ARSL: variants seen among roughly 807,000 people sequenced by gnomAD.
The protein encoded by ARSL is arylsulfatase E (chondrodysplasia punctata 1).
Under a neutral mutation model 31.1 loss-of-function variants are expected in ARSL, and 4 were observed. That is an observed-to-expected ratio of 0.13 (90% CI 0.06 to 0.29). ARSL has a LOEUF of 0.29. Ranked by LOEUF, ARSL falls within the 10% of genes least tolerant of loss-of-function variation. The probability of loss-of-function intolerance (pLI) is 1.00; values close to 1 mark genes in which losing one functional copy is unlikely to be tolerated. For missense variants in ARSL, 312 were observed against 497.8 expected (o/e 0.63, Z 3.55); for synonymous variants, 198 against 209.9 (o/e 0.94, Z 0.49).
chrX:2,941,093 C>A (rs2089273988), intron 8 of ARSL, among the ~76,000 whole-genome samples: 1 of 110,766 alleles, frequency 9.0e-6, no homozygotes, highest in Non-Finnish European at 1.9e-5. Context: ...CAGGCCGTGA[C>A]AGGAAGCGGG....
upstream of ARSL, among the ~76,000 whole-genome samples, chrX:2,966,903 T>C (rs763334652): frequency 9.0e-6 from 1 of 110,584 alleles, no homozygotes; most frequent in East Asian, 2.8e-4. Flanking sequence ...CTTATATGTA[T>C]ATAATGTATA....
chrX:2,950,389 A>G, intron 5 of ARSL, among the ~76,000 whole-genome samples: 1 of 112,020 alleles, frequency 8.9e-6, no homozygotes, highest in East Asian at 2.8e-4. Flanking sequence ...CAGGGTGTTC[A>G]AAGGATAATT....
intron 1 of ARSL, among the ~76,000 whole-genome samples, 186 bp downstream of exon 1, chrX:2,964,038 C>A (rs1376690297): frequency 9.0e-6 from 1 of 111,421 alleles, no homozygotes; most frequent in Admixed American, 9.6e-5. Context: ...GAAAACAGAT[C>A]CCCCTTCTCC....
chrX:2,957,804 G>C (rs2089547198), intron 3 of ARSL, among the ~76,000 whole-genome samples: 1 of 109,730 alleles, frequency 9.1e-6, no homozygotes, highest in Non-Finnish European at 1.9e-5. Context: ...TGGATCACTT[G>C]AGCCCAGAAG....
intron 10 of ARSL, 93 bp downstream of exon 10, chrX:2,936,649 C>T (rs2089205781): frequency 1.9e-5 from 21 of 1,109,237 alleles, no homozygotes; most frequent in Non-Finnish European, 2.6e-5. Flanking sequence ...CTCTGGAATG[C>T]AGCTCCATCC....
At chrX:2,945,938 T>C in intron 7 of ARSL, 60 bp downstream of exon 7, 1 of 1,191,699 alleles carries the variant, frequency 8.4e-7, no homozygotes, top group Non-Finnish European at 1.1e-6. Context: ...ATTCTTTGTT[T>C]CCTTTCCTGC....
intron 2 of ARSL, among the ~76,000 whole-genome samples, chrX:2,958,734 C>G (rs1453908560): frequency 1.8e-5 from 2 of 111,539 alleles, no homozygotes; most frequent in Non-Finnish European, 3.8e-5. Context: ...CTCCTGTAAT[C>G]TCAGTATTTT....
chrX:2,949,551 C>T lies in ARSL; in HGVS notation c.607G>A (p.Val203Ile). ...AGTGTGAGGGCAACCAAGGCCAGGACTTGGAAGAGGAAGTTGAGTTTTTGT... is the reference window on the plus strand; with the variant it reads ...AGTGTGAGGGCAACCAAGGCCAGGATTTGGAAGAGGAAGTTGAGTTTTTGT... ...LEQKLNFLFQ[V>I]LALVALTLVA... Residue 203 changes from valine (V) to isoleucine (I), a missense_variant, in exon 6 of 11, where the codon GTC becomes ATC. Physicochemically the swap from Val to Ile is conservative, Grantham distance 29. Coordinates refer to ENST00000381134, the MANE Select transcript of ARSL (RefSeq NM_000047.3). 8.3e-7 allele frequency: 1 copy of T among 1,211,094 alleles called. No homozygotes were observed. The highest frequency in any genetic ancestry group is 1.1e-6 in the Non-Finnish European group (1 of 895,450).
upstream of ARSL, chrX:2,968,063 A>T: frequency 9.5e-7 from 1 of 1,049,092 alleles, no homozygotes; most frequent in Admixed American, 2.7e-5. Context: ...GAAAAGACGC[A>T]GTTTAGCATA....
intron 5 of ARSL, among the ~76,000 whole-genome samples, chrX:2,951,962 C>T (rs2089470020): frequency 9.5e-6 from 1 of 105,681 alleles, no homozygotes; most frequent in African/African-American, 3.6e-5. Context: ...ATTTTATACT[C>T]ATTGTATCCA....
chrX:2,937,282 T>A (rs1344923451), intron 9 of ARSL, among the ~76,000 whole-genome samples: 1 of 109,291 alleles, frequency 9.1e-6, no homozygotes, highest in Non-Finnish European at 1.9e-5. Flanking sequence ...TAATCCCAGC[T>A]ACTCGGGAGG....
chrX:2,938,779 G>A (rs1389247700), intron 8 of ARSL, among the ~76,000 whole-genome samples: 1 of 112,156 alleles, frequency 8.9e-6, no homozygotes, highest in Non-Finnish European at 1.9e-5. Flanking sequence ...TAGGGGGTTT[G>A]CAGATATAAT....
At chrX:2,961,947 C>T (rs1048433218) in intron 1 of ARSL, among the ~76,000 whole-genome samples, 2 of 105,887 alleles carry the variant, frequency 1.9e-5, no homozygotes, top group African/African-American at 3.5e-5. Flanking sequence ...ATGGCGCGAT[C>T]TTGGCTCACT....
At chrX:2,944,251 C>A (rs186786692) in intron 7 of ARSL, among the ~76,000 whole-genome samples, 4 of 108,621 alleles carry the variant, frequency 3.7e-5, no homozygotes, top group East Asian at 2.9e-4. Flanking sequence ...GTCAGCAGTT[C>A]GAGACCAGCC....
At chrX:2,935,292 T>C in intron 10 of ARSL, 102 bp from the exon 11 acceptor site, 1 of 768,247 alleles carries the variant, frequency 1.3e-6, no homozygotes, top group Non-Finnish European at 2.0e-6. Context: ...AACCCAAGCG[T>C]CCATCGATGG....
intron 3 of ARSL, among the ~76,000 whole-genome samples, chrX:2,956,235 C>T (rs1318499227): frequency 2.7e-5 from 3 of 111,603 alleles, no homozygotes; most frequent in Non-Finnish European, 3.8e-5. Flanking sequence ...GGCTGGAATT[C>T]GGACAGGAGG....
At chrX:2,966,824 T>C (rs1029950054), upstream of ARSL, among the ~76,000 whole-genome samples, 1 of 109,891 alleles carries the variant, frequency 9.1e-6, no homozygotes, top group Non-Finnish European at 1.9e-5. Context: ...CGTATAAATA[T>C]AAACATATAA....
rs2089231060 is a variant in ARSL, at chrX:2,938,206, A to G, written c.1178T>C (p.Phe393Ser). The change falls in exon 9 of 11, where the codon TTC (phenylalanine) becomes TCC (serine). Residue 393 changes from phenylalanine to serine, a missense_variant. Physicochemically the swap from Phe to Ser is radical, Grantham distance 155. Coordinates refer to ENST00000381134, the MANE Select transcript of ARSL (RefSeq NM_000047.3). ...WEGGIRVPGI[F>S]RWPGVLPAGR... ...GGCCGGGAGCACCCCGGGCCAGCGG[A>G]AGATCCCGGGCACGCGGATCCCACC... 1 of 1,210,667 alleles carries G rather than the reference A, an allele frequency of 8.3e-7. No individual in the cohort carries two copies.
At chrX:2,961,761 A>G (rs768373299) in intron 1 of ARSL, among the ~76,000 whole-genome samples, 31 of 109,520 alleles carry the variant, frequency 2.8e-4, no homozygotes, top group Non-Finnish European at 4.9e-4. Context: ...ATTGTCATCT[A>G]TTGTCTCTAA....
Sources: gnomAD v4.1 joint callset for allele counts (sites outside exome capture counted in the v4.1 genomes callset) on GRCh38, gnomAD v4.1.1 for gene constraint, MANE v1.5 for transcripts, NCBI Gene and HGNC (gene_info 2026-07-23, HGNC 2026-07-21) for gene names.